Variants in CFDP1 observed in about 807,000 individuals in gnomAD.
CFDP1 encodes chromatin remodeling protein CFDP1.
In CFDP1, 31 loss-of-function variants were observed where a neutral mutation model predicts 40.1. The observed-to-expected ratio is 0.77, with a 90% CI of 0.58 to 1.04. CFDP1 has a LOEUF of 1.04. Ranked by LOEUF, CFDP1 falls within the 50% of genes least tolerant of loss-of-function variation. CFDP1 has a pLI of 0.00. For missense variants in CFDP1, 423 were observed against 343.4 expected (o/e 1.23, Z -1.83); for synonymous variants, 167 against 120.0 (o/e 1.39, Z -2.56).
At chr16:75,407,110 C>T (rs537065767) in intron 4 of CFDP1, among the ~76,000 whole-genome samples, 2 of 151,788 alleles carry the variant, frequency 1.3e-5, no homozygotes, top group East Asian at 1.9e-4. Flanking sequence ...GGGAGGCTGA[C>T]GTGGGAGGAT....
chr16:75,333,077 G>T (rs1445868725), intron 5 of CFDP1, among the ~76,000 whole-genome samples: 1 of 150,080 alleles, frequency 6.7e-6, no homozygotes, highest in African/African-American at 2.4e-5. Context: ...CAAAGTGCTG[G>T]GATTACAGGC....
intron 6 of CFDP1, chr16:75,301,746 T>C (rs548565925): frequency 6.6e-6 from 1 of 152,200 alleles, no homozygotes; most frequent in Non-Finnish European, 1.5e-5. Flanking sequence ...ATGCAGATAT[T>C]TGTGACCTAC....
At chr16:75,412,262 AC>A (rs1427868783) in intron 3 of CFDP1, among the ~76,000 whole-genome samples, 1 of 152,056 alleles carries the variant, frequency 6.6e-6, no homozygotes, top group African/African-American at 2.4e-5. Flanking sequence ...CAAATGATCC[AC>A]CTGCCTCAGC....
intron 5 of CFDP1, among the ~76,000 whole-genome samples, chr16:75,330,021 G>A (rs1156673308): frequency 6.6e-6 from 1 of 152,156 alleles, no homozygotes; most frequent in African/African-American, 2.4e-5. Flanking sequence ...AGAATCCCCA[G>A]AGGTTATTAG....
chr16:75,304,647 G>A (rs575404449), intron 6 of CFDP1, among the ~76,000 whole-genome samples: 2 of 152,244 alleles, frequency 1.3e-5, no homozygotes, highest in African/African-American at 4.8e-5. Context: ...AGTTTTTGAC[G>A]GATCTGAACT....
chr16:75,373,330 C>T (rs1302079708), intron 5 of CFDP1, among the ~76,000 whole-genome samples: 5 of 152,144 alleles, frequency 3.3e-5, no homozygotes, highest in Non-Finnish European at 7.4e-5. Flanking sequence ...GATTCATTAT[C>T]GTATTGGACT....
At chr16:75,338,245 GA>G (rs1460636046) in intron 5 of CFDP1, among the ~76,000 whole-genome samples, 1 of 152,156 alleles carries the variant, frequency 6.6e-6, no homozygotes, top group African/African-American at 2.4e-5. Context: ...GCATGGGGGG[GA>G]AAAAGAGCCT....
intron 5 of CFDP1, among the ~76,000 whole-genome samples, chr16:75,360,336 C>T (rs1406590154): frequency 2.0e-5 from 3 of 152,198 alleles, no homozygotes; most frequent in Non-Finnish European, 2.9e-5. Context: ...ACTTTTCAGA[C>T]TGCCAGAGTT....
At chr16:75,332,534 G>A (rs2078453621) in intron 5 of CFDP1, among the ~76,000 whole-genome samples, 1 of 151,782 alleles carries the variant, frequency 6.6e-6, no homozygotes, top group Admixed American at 6.6e-5. Flanking sequence ...CGATGTGGTG[G>A]TGCTTGTTTG....
At chr16:75,414,221 T>G (rs893695944) in intron 2 of CFDP1, among the ~76,000 whole-genome samples, 1 of 151,506 alleles carries the variant, frequency 6.6e-6, no homozygotes, top group Non-Finnish European at 1.5e-5. Flanking sequence ...AAAAAAAAAA[T>G]GAAGAAAATA....
At chr16:75,347,058 G>T (rs2078571620) in intron 5 of CFDP1, among the ~76,000 whole-genome samples, 1 of 151,950 alleles carries the variant, frequency 6.6e-6, no homozygotes, top group Admixed American at 6.6e-5. Context: ...ATAGAAGAAA[G>T]AACAGGCCAG....
intron 5 of CFDP1, among the ~76,000 whole-genome samples, chr16:75,325,257 C>T (rs944394957): frequency 3.0e-4 from 45 of 152,162 alleles, no homozygotes; most frequent in Admixed American, 2.9e-3. Flanking sequence ...TCCTTACCTC[C>T]CAGACTTCCT....
intron 5 of CFDP1, among the ~76,000 whole-genome samples, chr16:75,335,175 T>TC (rs745971807): frequency 3.3e-5 from 5 of 152,184 alleles, no homozygotes; most frequent in East Asian, 1.9e-4. Flanking sequence ...TGTGGTAAGT[T>TC]CCCCCCTGGT....
intron 4 of CFDP1, among the ~76,000 whole-genome samples, chr16:75,398,260 C>A (rs760193112): frequency 1.3e-5 from 2 of 152,192 alleles, no homozygotes; most frequent in African/African-American, 2.4e-5. Flanking sequence ...TATAAGGTTG[C>A]GTTACTTATT....
At chr16:75,360,127 A>G (rs2078671941) in intron 5 of CFDP1, among the ~76,000 whole-genome samples, 1 of 152,154 alleles carries the variant, frequency 6.6e-6, no homozygotes, top group South Asian at 2.1e-4. Context: ...TCTGGCCTCA[A>G]GCAATCCTCC....
At chr16:75,379,507 T>C (rs1209793733) in intron 5 of CFDP1, among the ~76,000 whole-genome samples, 9 of 152,012 alleles carry the variant, frequency 5.9e-5, no homozygotes, top group African/African-American at 2.2e-4. Context: ...AGACACTCAA[T>C]ATGAAAGAGC....
intron 5 of CFDP1, among the ~76,000 whole-genome samples, chr16:75,347,803 T>A (rs77977751): frequency 6.6e-6 from 1 of 152,226 alleles, no homozygotes; most frequent in East Asian, 1.9e-4. Flanking sequence ...TACACTGATA[T>A]ATGAGAAAAG....
chr16:75,428,886 G>A (rs942834381), intron 1 of CFDP1, among the ~76,000 whole-genome samples: 1 of 152,082 alleles, frequency 6.6e-6, no homozygotes, highest in African/African-American at 2.4e-5. Flanking sequence ...GGAGGCCGAG[G>A]CAGGCAGATC....
rs556957477 is a variant in CFDP1 at position 75,323,518 on chromosome 16, C to G, written c.651-18336G>C. On this transcript the variant is annotated intron_variant, in intron 5 of 6. Coordinates refer to ENST00000283882, the MANE Select transcript of CFDP1 (RefSeq NM_006324.3). ...CTATAGGGCTGGGTACAGTGGCTCA[C>G]GCCTGTAATCCCAGCACTTGTGAAG... is the stretch of plus-strand genomic sequence containing the variant. Among the ~76,000 whole-genome samples, 10 of 151,766 alleles carry G rather than the reference C, an allele frequency of 6.6e-5. No individual in the cohort carries two copies. The East Asian group carries it at 1.9e-3, about 29-fold the overall frequency.
Sources: allele counts gnomAD v4.1 joint callset (sites outside exome capture counted in the v4.1 genomes callset), GRCh38; gene constraint gnomAD v4.1.1; transcripts MANE v1.5; gene names NCBI Gene and HGNC (gene_info 2026-07-23, HGNC 2026-07-21).